The following SH3RF3 variants were observed in gnomAD, a reference collection of about 807,000 sequenced individuals.
SH3RF3 encodes the protein SH3 domain containing ring finger 3.
SH3RF3 carries 29 observed loss-of-function variants against 66.3 expected under a neutral mutation model. The observed-to-expected ratio is 0.44, with a 90% CI of 0.33 to 0.60. The LOEUF (loss-of-function observed/expected upper bound fraction) is 0.60, where lower values mean the gene tolerates loss of function less well. SH3RF3 is among the 20% of genes least tolerant of loss of function. The probability of loss-of-function intolerance (pLI) is 0.04; values close to 1 mark genes in which losing one functional copy is unlikely to be tolerated. For missense variants in SH3RF3, 1,194 were observed against 1,190.9 expected (o/e 1.00, Z -0.04); for synonymous variants, 583 against 532.0 (o/e 1.10, Z -1.32).
At chr2:109,364,155 T>G (rs1259142183) in intron 2 of SH3RF3, among the ~76,000 whole-genome samples, 1 of 151,680 alleles carries the variant, frequency 6.6e-6, no homozygotes, top group Non-Finnish European at 1.5e-5. Context: ...GATGCTCCAT[T>G]ATGGTTTTTT....
intron 9 of SH3RF3, among the ~76,000 whole-genome samples, chr2:109,499,047 C>T (rs1679324772): frequency 6.6e-6 from 1 of 152,140 alleles, no homozygotes; most frequent in Non-Finnish European, 1.5e-5. Context: ...ACTGCTGGAG[C>T]CCTCTGAGCC....
chr2:109,304,774 G>A (rs183699145), intron 1 of SH3RF3, among the ~76,000 whole-genome samples: 1 of 152,318 alleles, frequency 6.6e-6, no homozygotes, highest in Non-Finnish European at 1.5e-5. Context: ...GAAAGGAGCA[G>A]GGACCCGGCT....
intron 1 of SH3RF3, among the ~76,000 whole-genome samples, chr2:109,164,696 A>G (rs969412039): frequency 3.3e-5 from 5 of 151,978 alleles, no homozygotes; most frequent in African/African-American, 1.2e-4. Context: ...AGGTGTAAAT[A>G]CTCCCATCAT....
intron 1 of SH3RF3, among the ~76,000 whole-genome samples, chr2:109,290,909 G>A (rs1681152098): frequency 6.6e-6 from 1 of 152,202 alleles, no homozygotes; most frequent in Non-Finnish European, 1.5e-5. Flanking sequence ...TTGCCAGATG[G>A]TAAATTCGTT....
chr2:109,432,731 G>A (rs10165947), intron 6 of SH3RF3, 60 bp downstream of exon 6: 171,455 of 1,548,186 alleles, frequency 0.11, 9,867 homozygotes, highest in African/African-American at 0.16. Flanking sequence ...ACGCCTTACC[G>A]CTGTTGTTAC....
rs1456980487 is a variant in SH3RF3, at chr2:109,170,292, CTCTTCTCTTCTCTTCTCTT to C, written c.573+40180_573+40198del. 1.4e-4 allele frequency among the ~76,000 whole-genome samples: 18 copies of C among 130,316 alleles called. 1 individual carries two copies. In the East Asian group the frequency reaches 2.6e-3, roughly 19 times the overall value. The allele number at this position is 130,316 out of a possible 152,430, so 85.5% of individuals were successfully genotyped here. ...CTCTTCTCTTCTCTTCTCTTCTCTT[CTCTTCTCTTCTCTTCTCTT>C]CTCTCCTCTCTCTCTCTCCTCTCTC... On this transcript the variant is annotated intron_variant, in intron 1 of 9. Transcript: ENST00000309415.
chr2:109,397,144 G>T (rs561418225), intron 3 of SH3RF3, among the ~76,000 whole-genome samples: 5 of 152,242 alleles, frequency 3.3e-5, no homozygotes, highest in Non-Finnish European at 7.4e-5. Context: ...CTGGCAGACA[G>T]AATGTGCCAG....
At chr2:109,300,569 G>C (rs1391381634) in intron 1 of SH3RF3, among the ~76,000 whole-genome samples, 1 of 152,112 alleles carries the variant, frequency 6.6e-6, no homozygotes, top group African/African-American at 2.4e-5. Flanking sequence ...TTTTCCATAG[G>C]GGATGGTTAG....
intron 5 of SH3RF3, among the ~76,000 whole-genome samples, chr2:109,431,741 C>T (rs1677221673): frequency 6.6e-6 from 1 of 152,176 alleles, no homozygotes; most frequent in Non-Finnish European, 1.5e-5. Flanking sequence ...CATGGCGGTG[C>T]ACACCTGTGG....
chr2:109,276,569 G>A (rs1680762321), intron 1 of SH3RF3, among the ~76,000 whole-genome samples: 1 of 152,178 alleles, frequency 6.6e-6, no homozygotes, highest in Admixed American at 6.5e-5. Flanking sequence ...GAAAACTTGT[G>A]TTTCATTTGT....
chr2:109,165,226 A>G (rs1272772919), intron 1 of SH3RF3, among the ~76,000 whole-genome samples: 1 of 152,144 alleles, frequency 6.6e-6, no homozygotes, highest in Non-Finnish European at 1.5e-5. Context: ...TCCTGCAAAG[A>G]AGTCTTTACT....
intron 1 of SH3RF3, among the ~76,000 whole-genome samples, chr2:109,187,259 C>T (rs564582557): frequency 3.2e-4 from 49 of 152,234 alleles, no homozygotes; most frequent in Admixed American, 9.8e-4. Context: ...TATAATTGCA[C>T]AATTTAAAAA....
chr2:109,340,474 G>A (rs975090763), intron 1 of SH3RF3, among the ~76,000 whole-genome samples: 14 of 152,190 alleles, frequency 9.2e-5, no homozygotes, highest in Non-Finnish European at 1.9e-4. Context: ...GTTCTTTGCT[G>A]AATTCACTTA....
chr2:109,164,990 A>G (rs1276512037), intron 1 of SH3RF3, among the ~76,000 whole-genome samples: 1 of 152,182 alleles, frequency 6.6e-6, no homozygotes, highest in East Asian at 1.9e-4. Flanking sequence ...CTTCTTAGTC[A>G]TCGTCTTCCT....
intron 1 of SH3RF3, among the ~76,000 whole-genome samples, chr2:109,272,386 C>T (rs1680647278): frequency 6.6e-6 from 1 of 152,224 alleles, no homozygotes; most frequent in African/African-American, 2.4e-5. Context: ...CAGGACTGTG[C>T]AGGCACCATG....
intron 1 of SH3RF3, among the ~76,000 whole-genome samples, chr2:109,211,255 G>T (rs1476514156): frequency 6.6e-6 from 1 of 152,220 alleles, no homozygotes; most frequent in Non-Finnish European, 1.5e-5. Flanking sequence ...AGCTGGCTAG[G>T]TGGTGAGGGG....
At chr2:109,490,193 G>A (rs1196523930) in intron 8 of SH3RF3, among the ~76,000 whole-genome samples, 1 of 152,224 alleles carries the variant, frequency 6.6e-6, no homozygotes. Flanking sequence ...TTTTCAAGAT[G>A]TCCATGTAGG....
intron 1 of SH3RF3, among the ~76,000 whole-genome samples, chr2:109,313,996 A>G (rs1052522094): frequency 6.6e-6 from 1 of 152,226 alleles, no homozygotes; most frequent in Non-Finnish European, 1.5e-5. Flanking sequence ...GAGGAAAGTG[A>G]CAAGAAGGAG....
chr2:109,181,257 C>G (rs1023203454), intron 1 of SH3RF3, among the ~76,000 whole-genome samples: 41 of 152,192 alleles, frequency 2.7e-4, no homozygotes, highest in African/African-American at 8.9e-4. Flanking sequence ...TCCTGTATAC[C>G]CCTTGCCCAG....
Sources: gnomAD v4.1 joint callset for allele counts (sites outside exome capture counted in the v4.1 genomes callset) on GRCh38, gnomAD v4.1.1 for gene constraint, MANE v1.5 for transcripts, NCBI Gene and HGNC (gene_info 2026-07-23, HGNC 2026-07-21) for gene names.